MARVELD3: variants seen among roughly 807,000 people sequenced by gnomAD.
MARVELD3 encodes MARVEL domain-containing protein 3.
In MARVELD3, 28 loss-of-function variants were observed where a neutral mutation model predicts 33.5. The observed-to-expected ratio is 0.84, with a 90% CI of 0.62 to 1.15. MARVELD3 has a LOEUF of 1.15. Among genes scored for constraint, MARVELD3 ranks in the 50% most tolerant of loss-of-function variants. The probability of loss-of-function intolerance (pLI) is 0.00; values close to 1 mark genes in which losing one functional copy is unlikely to be tolerated. For synonymous variants in MARVELD3, 241 were observed against 230.4 expected (o/e 1.05, Z -0.42); for missense variants, 582 against 547.6 (o/e 1.06, Z -0.63).
rs1172338090 is a variant in MARVELD3 at position 71,635,181 on chromosome 16, T to G, written c.*378T>G. 3 of 746,586 alleles carry G rather than the reference T, an allele frequency of 4.0e-6. No homozygotes were observed. Among genetic ancestry groups the G allele is most frequent in the Non-Finnish European group, 4.9e-6 (3 of 610,332 alleles). 46.2% of individuals were successfully genotyped at this position (746,586 alleles called of 1,614,324 possible). On this transcript the variant is annotated 3_prime_UTR_variant, in exon 3 of 3. Coordinates refer to ENST00000268485, the MANE Select transcript of MARVELD3 (RefSeq NM_052858.6). ...CGTCTCTACTAAAATACAAAAAAAT[T>G]AGCCAGGCGTGGTGGCGGGCGCCTG...
chr16:71,640,604 C>A, downstream of MARVELD3: 1 of 1,614,198 alleles, frequency 6.2e-7, no homozygotes, highest in Non-Finnish European at 8.5e-7. Context: ...TATACGGTGG[C>A]GTGGCTGTTT....
rs2044579279 is a variant in MARVELD3, at chr16:71,636,051, G to T, written c.*1248G>T. 2.0e-6 allele frequency: 2 copies of T among 985,150 alleles called. No homozygotes were observed. The highest frequency in any genetic ancestry group is 1.1e-4 in the East Asian group (1 of 8,834). The allele number at this position is 985,150 out of a possible 1,614,324, so 61.0% of individuals were successfully genotyped here. On this transcript the variant is annotated 3_prime_UTR_variant, in exon 3 of 3. Transcript: ENST00000268485. The stretch of plus-strand genomic sequence containing the variant: ...TTACTTTTGGTCAGACAACTTCATG[G>T]GTTCTTACTGCACATTAAATTATGA...
chr16:71,640,252 G>C, downstream of MARVELD3: 1 of 955,050 alleles, frequency 1.0e-6, no homozygotes, highest in African/African-American at 1.7e-5. Context: ...GGATGACAGA[G>C]TGACACCGTC....
Position 71,635,091 on chromosome 16 carries a change from G to A in MARVELD3, c.*288G>A, listed in dbSNP as rs1463361723. 2 of 1,051,576 alleles carry A rather than the reference G, an allele frequency of 1.9e-6. No homozygotes were observed. The highest frequency in any genetic ancestry group is 4.5e-4 in the Middle Eastern group (1 of 2,208). The allele number at this position is 1,051,576 out of a possible 1,614,324, so 65.1% of individuals were successfully genotyped here. On this transcript the variant is annotated 3_prime_UTR_variant, in exon 3 of 3. Coordinates refer to ENST00000268485, the MANE Select transcript of MARVELD3 (RefSeq NM_052858.6). The stretch of plus-strand genomic sequence containing the variant: ...ACCTGTAACCCCAGCACTTTGGGAG[G>A]CTGAGGTGGGTGGATCACTTGAGGT...
Position 71,634,830 on chromosome 16 carries a change from C to G in MARVELD3, c.*27C>G. 1 of 1,551,066 alleles carries G rather than the reference C, an allele frequency of 6.4e-7. No individual in the cohort carries two copies. The highest frequency in any genetic ancestry group is 8.7e-7 in the Non-Finnish European group (1 of 1,150,632). On this transcript the variant is annotated 3_prime_UTR_variant, in exon 3 of 3. Transcript: ENST00000268485. The stretch of plus-strand genomic sequence containing the variant: ...GGTTTCTAAAACGCTCTGACAGATG[C>G]AAGTGGTGGTGGAAGGTAGTCTGAG...
chr16:71,641,040 C>A (rs200159769), downstream of MARVELD3: 538 of 1,585,820 alleles, frequency 3.4e-4, 5 homozygotes, highest in East Asian at 9.7e-3. Flanking sequence ...TCTTCCGGAA[C>A]CTAAATGTGA....
intron 2 of MARVELD3, among the ~76,000 whole-genome samples, chr16:71,631,114 T>C (rs1311467113): frequency 6.6e-6 from 1 of 152,222 alleles, no homozygotes; most frequent in African/African-American, 2.4e-5. Flanking sequence ...ATTCCAAAGA[T>C]GCATATGATT....
intron 2 of MARVELD3, among the ~76,000 whole-genome samples, chr16:71,632,901 C>T (rs1022539639): frequency 1.6e-4 from 24 of 151,950 alleles, no homozygotes; most frequent in Admixed American, 1.5e-3. Flanking sequence ...CGTGAGCCAC[C>T]GCGCCTGGCC....
downstream of MARVELD3, among the ~76,000 whole-genome samples, chr16:71,639,603 C>T (rs1471276039): frequency 6.6e-6 from 1 of 151,836 alleles, no homozygotes; most frequent in African/African-American, 2.4e-5. Context: ...CGTGCTGCCA[C>T]ACCCGGCTAA....
chr16:71,628,579 G>C (rs574251277), intron 1 of MARVELD3, among the ~76,000 whole-genome samples: 114 of 151,620 alleles, frequency 7.5e-4, no homozygotes, highest in Admixed American at 1.9e-3. Context: ...GAAGAGGAAA[G>C]GTGTCCCAAG....
Position 71,626,904 on chromosome 16 carries a change from A to G in MARVELD3, c.467+208A>G, listed in dbSNP as rs2044478840. 1 of 477,264 alleles carries G rather than the reference A, an allele frequency of 2.1e-6. No individual in the cohort carries two copies. Among genetic ancestry groups the G allele is most frequent in the East Asian group, 3.6e-5 (1 of 27,534 alleles). The allele number at this position is 477,264 out of a possible 1,614,324, so 29.6% of individuals were successfully genotyped here. A position where few individuals can be genotyped will look rare whatever the true frequency, so the allele number is the denominator to read the frequency against. On this transcript the variant is annotated intron_variant, in intron 1 of 2. Transcript: ENST00000268485. This position sits in a 1 kb window ranked among gnomAD's most constrained non-coding sequence, Gnocchi z 5.3. The stretch of plus-strand genomic sequence containing the variant: ...TTCTCGTGGCCTGAACCCAACTAAC[A>G]AAGCAAAAACCACCCCTGTGAGCAG...
At position 71,626,695 on chromosome 16, in the gene MARVELD3, A is replaced by G. The variant is rs2044476451; in HGVS notation, c.466A>G (p.Ser156Gly). Residue 156 changes from serine (S) to glycine (G), a missense_variant and splice_region_variant, in exon 1 of 3, where the codon AGT becomes GGT. Transcript: ENST00000268485. The surrounding 1 kb of genome is among the most constrained non-coding windows in gnomAD (Gnocchi z 5.3). ...KGDPGRRRPE[S>G]EPPSERYLPS... Reference sequence around the variant, plus strand: ...AGACCCCGGGCGCCGCAGACCCGAAAGGTGAGAGGGGCCGGGGCGCTGCGA... The same window carrying G: ...AGACCCCGGGCGCCGCAGACCCGAAGGGTGAGAGGGGCCGGGGCGCTGCGA... 5 of 1,475,130 alleles carry G rather than the reference A, an allele frequency of 3.4e-6. No individual in the cohort carries two copies. The African/African-American group carries it at 4.3e-5, about 13-fold the overall frequency. The allele number at this position is 1,475,130 out of a possible 1,614,324, so 91.4% of individuals were successfully genotyped here.
chr16:71,637,818 AC>A (rs2044591368), downstream of MARVELD3: 1 of 152,210 alleles, frequency 6.6e-6, no homozygotes, highest in African/African-American at 2.4e-5. Context: ...TGGAAACATT[AC>A]TGAGTAGCGT....
chr16:71,631,452 G>A (rs760804433), intron 2 of MARVELD3, among the ~76,000 whole-genome samples: 10 of 151,752 alleles, frequency 6.6e-5, no homozygotes, highest in Non-Finnish European at 1.2e-4. Context: ...AAGTATAACT[G>A]TCTTTTTTTT....
downstream of MARVELD3, chr16:71,640,585 C>T (rs763339848): frequency 1.3e-5 from 21 of 1,614,096 alleles, no homozygotes; most frequent in East Asian, 4.5e-5. Flanking sequence ...ATCCTCCGCT[C>T]GCCCCTGATA....
chr16:71,635,315 C>A lies in MARVELD3; in HGVS notation c.*512C>A. 3 of 976,804 alleles carry A rather than the reference C, an allele frequency of 3.1e-6. No homozygotes were observed. Among genetic ancestry groups the A allele is most frequent in the Non-Finnish European group, 3.6e-6 (3 of 826,114 alleles). The allele number at this position is 976,804 out of a possible 1,614,324, so 60.5% of individuals were successfully genotyped here. On this transcript the variant is annotated 3_prime_UTR_variant, in exon 3 of 3. Coordinates refer to ENST00000268485, the MANE Select transcript of MARVELD3 (RefSeq NM_052858.6). ...CTGCACTCCAGCCCAGGTGACAGAG[C>A]GAGACTCCATCTCAAAAAAAAAAAA... is the stretch of plus-strand genomic sequence containing the variant.
At chr16:71,628,096 A>G (rs1333804527) in intron 1 of MARVELD3, among the ~76,000 whole-genome samples, 1 of 152,176 alleles carries the variant, frequency 6.6e-6, no homozygotes, top group East Asian at 1.9e-4. Context: ...ATTATCTAAA[A>G]CTAACTAGCA....
intron 2 of MARVELD3, among the ~76,000 whole-genome samples, chr16:71,633,457 G>A (rs370113577): frequency 9.2e-5 from 14 of 152,174 alleles, no homozygotes; most frequent in African/African-American, 1.4e-4. Flanking sequence ...GCAGTGGCGC[G>A]ATCTCAGTTC....
chr16:71,626,814 G>A lies in MARVELD3; in HGVS notation c.467+118G>A, dbSNP rs2044478168. ...TAGGAGCCCGTTTAAATGAACAAAT[G>A]CCGTTTCTCCCTTCTGCGCTCTCAG... On this transcript the variant is annotated intron_variant, in intron 1 of 2. Coordinates refer to ENST00000268485, the MANE Select transcript of MARVELD3 (RefSeq NM_052858.6). This position sits in a 1 kb window ranked among gnomAD's most constrained non-coding sequence, Gnocchi z 5.3. 1 of 883,934 alleles carries A rather than the reference G, an allele frequency of 1.1e-6. No homozygotes were observed. Among genetic ancestry groups the A allele is most frequent in the East Asian group, 3.2e-5 (1 of 31,358 alleles). 54.8% of individuals were successfully genotyped at this position (883,934 alleles called of 1,614,324 possible). A position where few individuals can be genotyped will look rare whatever the true frequency, so the allele number is the denominator to read the frequency against.
Sources: allele counts gnomAD v4.1 joint callset (sites outside exome capture counted in the v4.1 genomes callset), GRCh38; gene constraint gnomAD v4.1.1; non-coding constraint Gnocchi (gnomAD v3.1); transcripts MANE v1.5; gene names NCBI Gene and HGNC (gene_info 2026-07-23, HGNC 2026-07-21).